CEP192: variants seen among roughly 807,000 people sequenced by gnomAD.
CEP192 encodes the protein centrosomal protein 192.
CEP192 carries 151 observed loss-of-function variants against 271.8 expected under a neutral mutation model. The ratio of observed to expected loss-of-function variants is 0.56; its 90% CI spans 0.49 to 0.64. CEP192 has a LOEUF of 0.64. Among genes scored for constraint, CEP192 ranks in the 30% least tolerant of loss-of-function variants. The probability of loss-of-function intolerance (pLI) is 0.00; values close to 1 mark genes in which losing one functional copy is unlikely to be tolerated. For synonymous variants in CEP192, 995 were observed against 1,076.5 expected, an observed-to-expected ratio of 0.92 and a Z score of 1.48; for missense variants, 2,910 against 3,020.5, an observed-to-expected ratio of 0.96 and a Z score of 0.86.
At chr18:13,075,185 C>T (rs2038205454) in intron 30 of CEP192, among the ~76,000 whole-genome samples, 1 of 152,160 alleles carries the variant, frequency 6.6e-6, no homozygotes, top group African/African-American at 2.4e-5. Flanking sequence ...GGGAGTTTGG[C>T]CTTTTTGCCC....
chr18:13,031,963 C>G (rs1359138781), intron 11 of CEP192, among the ~76,000 whole-genome samples: 1 of 152,094 alleles, frequency 6.6e-6, no homozygotes, highest in South Asian at 2.1e-4. Flanking sequence ...TGTGGCCAGC[C>G]TTTATGGCAG....
At chr18:13,026,486 G>T (rs898365833) in intron 9 of CEP192, among the ~76,000 whole-genome samples, 1 of 152,032 alleles carries the variant, frequency 6.6e-6, no homozygotes, top group Non-Finnish European at 1.5e-5. Flanking sequence ...CAAATATTCT[G>T]TTGCTTTCTG....
rs902090039 is a variant in CEP192, at chr18:13,002,159, A to G, written c.290+577A>G. 9.9e-5 allele frequency among the ~76,000 whole-genome samples: 15 copies of G among 152,234 alleles called. 1 individual carries two copies. Among genetic ancestry groups the G allele is most frequent in the Admixed American group, 8.5e-4 (13 of 15,288 alleles). On this transcript the variant is annotated intron_variant, in intron 3 of 44. Coordinates refer to ENST00000506447, the MANE Select transcript of CEP192 (RefSeq NM_032142.4). ...GTAAAGGCCTGTAATCCCACTAACT[A>G]GAGAACAGCCATTGAGTACATTTTT...
At chr18:13,024,113 T>A (rs539153163) in intron 9 of CEP192, among the ~76,000 whole-genome samples, 1 of 152,340 alleles carries the variant, frequency 6.6e-6, no homozygotes, top group South Asian at 2.1e-4. Context: ...GATAGTTGGT[T>A]CATCTATTTC....
intron 34 of CEP192, among the ~76,000 whole-genome samples, chr18:13,094,511 G>T (rs2144780528): frequency 6.6e-6 from 1 of 152,236 alleles, no homozygotes; most frequent in East Asian, 1.9e-4. Flanking sequence ...CTTTTGATAG[G>T]TCCCCCGTCC....
chr18:13,055,713 A>C, intron 18 of CEP192, 67 bp from the exon 19 acceptor site: 1 of 1,137,184 alleles, frequency 8.8e-7, no homozygotes, highest in South Asian at 1.6e-5. Flanking sequence ...AGCTTTTGCC[A>C]GCATGTTTCA....
chr18:13,055,793 G>A lies in CEP192; in HGVS notation c.3203G>A (p.Ser1068Asn). Reference protein sequence around the residue: ...ALEDRKSDITSELSTTIIQGS... With the variant: ...ALEDRKSDITNELSTTIIQGS... ...TGTTGCACTCAGAGTGATATCACCA[G>A]CGAGTTGAGTACCACAATTATTCAA... The change falls in exon 19 of 45, where the codon AGC becomes AAC. Residue 1068 changes from serine (S) to asparagine (N), a missense_variant. Physicochemically the swap from Ser to Asn is conservative, Grantham distance 46. Transcript: ENST00000506447. 6.4e-7 allele frequency: 1 copy of A among 1,560,806 alleles called. No individual in the cohort carries two copies. The highest frequency in any genetic ancestry group is 8.6e-7 in the Non-Finnish European group (1 of 1,156,580).
chr18:13,024,263 CT>C (rs1484661055), intron 9 of CEP192: 52 of 453,786 alleles, frequency 1.1e-4, no homozygotes, highest in Admixed American at 1.7e-4. Context: ...TCTCTGATAA[CT>C]TTCCCTACTT....
rs577755376 is a variant in CEP192, at chr18:13,080,417, C to G, written c.5617-6600C>G. 2.1e-3 allele frequency among the ~76,000 whole-genome samples: 314 copies of G among 152,258 alleles called. 1 individual carries two copies. The highest frequency in any genetic ancestry group is 7.1e-3 in the African/African-American group (296 of 41,554). ...TGTAGCAATTGTGAATGGGAGTTCA[C>G]TCATGATTTGGCTCTCTGTTTGTCT... On this transcript the variant is annotated intron_variant, in intron 30 of 44. Transcript: ENST00000506447.
intron 13 of CEP192, 96 bp downstream of exon 13, chr18:13,038,675 G>T (rs1016519882): frequency 2.1e-6 from 2 of 942,630 alleles, no homozygotes; most frequent in Non-Finnish European, 3.3e-6. Context: ...GATAGAATAG[G>T]ATGGGACAGA....
chr18:13,064,890 G>A (rs1414210630), intron 21 of CEP192, among the ~76,000 whole-genome samples: 3 of 152,056 alleles, frequency 2.0e-5, no homozygotes, highest in Non-Finnish European at 4.4e-5. Flanking sequence ...TTTTAACAAT[G>A]TTGATTGTTC....
chr18:13,004,298 A>AT (rs1444684196), intron 3 of CEP192, among the ~76,000 whole-genome samples: 3 of 138,114 alleles, frequency 2.2e-5, no homozygotes, highest in Non-Finnish European at 3.1e-5. Flanking sequence ...GAGAAGTTTC[A>AT]CTTTTTTTTT....
In CEP192 at chr18:13,082,641, T is replaced by A. The variant is rs552188567; in HGVS notation, c.5617-4376T>A. 2.0e-5 allele frequency among the ~76,000 whole-genome samples: 3 copies of A among 152,218 alleles called. No individual in the cohort carries two copies. In the East Asian group the frequency reaches 5.8e-4, roughly 29 times the overall value. ...TTTACATTTAAGGTTAATATTGTTA[T>A]GTGTGAATTTGATCCTGTCATTATG... is the stretch of plus-strand genomic sequence containing the variant. On this transcript the variant is annotated intron_variant, in intron 30 of 44. Transcript: ENST00000506447.
chr18:13,112,680 G>A (rs554003647), intron 40 of CEP192, among the ~76,000 whole-genome samples: 136 of 152,318 alleles, frequency 8.9e-4, no homozygotes, highest in African/African-American at 3.2e-3. Flanking sequence ...CCCTGGTGGT[G>A]TAATTCTCTA....
In CEP192 at chr18:13,042,268, A is replaced by C. The variant is rs370980073; in HGVS notation, c.2001A>C (p.Ala667=). The change falls in exon 15 of 45, where the codon GCA becomes GCC. Residue 667 remains alanine (A), a synonymous_variant. Coordinates refer to ENST00000506447, the MANE Select transcript of CEP192 (RefSeq NM_032142.4). ...GATCAATTACACTTCAGGTTGAAGC[A>C]GTAGAGAGTACTTCACAAGTGGATG... is the stretch of plus-strand genomic sequence containing the variant. The part of the protein sequence containing the change: ...SEGSITLQVE[A]VESTSQVDEN... The C allele has an allele frequency of 1.9e-6, 3 of 1,613,772 alleles. No individual in the cohort carries two copies. The African/African-American group carries it at 4.0e-5, about 22-fold the overall frequency.
chr18:13,099,857 G>T (rs943897129), intron 37 of CEP192, among the ~76,000 whole-genome samples: 5 of 152,210 alleles, frequency 3.3e-5, no homozygotes, highest in African/African-American at 1.2e-4. Context: ...AAGTGTATGG[G>T]AGGATGTATG....
chr18:13,057,526 G>A, intron 19 of CEP192, 59 bp from the exon 20 acceptor site: 2 of 1,579,898 alleles, frequency 1.3e-6, no homozygotes, highest in East Asian at 2.3e-5. Flanking sequence ...AACAGATTTG[G>A]CTTATAATCA....
rs1005991351 is a variant in CEP192 at position 13,042,426 on chromosome 18, C to T, written c.2067+92C>T. The T allele has an allele frequency of 8.7e-5, 111 of 1,272,606 alleles. 1 individual carries two copies. In the African/African-American group the frequency reaches 1.3e-3, roughly 15 times the overall value. The allele number at this position is 1,272,606 out of a possible 1,614,324, so 78.8% of individuals were successfully genotyped here. Reference sequence around the variant, plus strand: ...GAGATCACCTGTGAAAAATTTATGCCGTTTAACATCTTTTCTTTCCTGGCT... The same window carrying T: ...GAGATCACCTGTGAAAAATTTATGCTGTTTAACATCTTTTCTTTCCTGGCT... On this transcript the variant is annotated intron_variant, in intron 15 of 44. Coordinates refer to ENST00000506447, the MANE Select transcript of CEP192 (RefSeq NM_032142.4).
Position 13,053,030 on chromosome 18 carries a change from G to A in CEP192, c.3129G>A (p.Val1043=). 1 of 1,613,944 alleles carries A rather than the reference G, an allele frequency of 6.2e-7. No individual in the cohort carries two copies. The highest frequency in any genetic ancestry group is 8.5e-7 in the Non-Finnish European group (1 of 1,179,904). The change falls in exon 18 of 45, where the codon GTG becomes GTA. Residue 1043 remains valine (V), a synonymous_variant. Coordinates refer to ENST00000506447, the MANE Select transcript of CEP192 (RefSeq NM_032142.4). ...SPAGVSRLTY[V]SEPESSYPTT... is the part of the protein sequence containing the mutation. ...CTGGGGTGAGCAGGCTGACGTATGT[G>A]TCTGAACCAGAGAGCTCCTATCCTA...
Sources: gnomAD v4.1 joint callset for allele counts (sites outside exome capture counted in the v4.1 genomes callset) on GRCh38, gnomAD v4.1.1 for gene constraint, MANE v1.5 for transcripts, NCBI Gene and HGNC (gene_info 2026-07-23, HGNC 2026-07-21) for gene names.